The following UPF1 variants were observed in gnomAD, a reference collection of about 807,000 sequenced individuals.
UPF1 encodes UPF1 RNA helicase and ATPase.
Under a neutral mutation model 129.2 loss-of-function variants are expected in UPF1, and 9 were observed. The ratio of observed to expected loss-of-function variants is 0.07; its 90% CI spans 0.04 to 0.12. UPF1 has a LOEUF of 0.12. Among genes scored for constraint, UPF1 ranks in the 10% least tolerant of loss-of-function variants. The pLI, the probability that UPF1 is intolerant of heterozygous loss-of-function variation, is 1.00. For missense variants in UPF1, 788 were observed against 1,525.3 expected (o/e 0.52, Z 8.05); for synonymous variants, 649 against 644.9 (o/e 1.01, Z -0.10).
rs141316223 is a variant in UPF1 at position 18,846,090 on chromosome 19, C to T, written c.342C>T (p.Tyr114=). Reference sequence around the variant, plus strand: ...AGGAAGATGAAGAAGACACCTATTACACGAAGGACCTCCCCATACACGCCT... The same window carrying T: ...AGGAAGATGAAGAAGACACCTATTATACGAAGGACCTCCCCATACACGCCT... The part of the protein sequence containing the change: ...NFEEDEEDTY[Y]TKDLPIHACS... Residue 114 remains tyrosine (Y), a synonymous_variant, in exon 2 of 24, where the codon TAC becomes TAT. Transcript: ENST00000262803. 2.7e-4 allele frequency: 428 copies of T among 1,614,136 alleles called. 2 individuals are homozygous for T. The African/African-American group carries it at 4.9e-3, about 18-fold the overall frequency.
In UPF1 at chr19:18,846,013, G is replaced by A; in HGVS notation, c.265G>A (p.Val89Met). The A allele has an allele frequency of 1.2e-6, 2 of 1,614,178 alleles. No homozygotes were observed. Among genetic ancestry groups the A allele is most frequent in the African/African-American group, 1.3e-5 (1 of 75,054 alleles). Residue 89 changes from valine to methionine, a missense_variant, in exon 2 of 24, where the codon GTG (valine) becomes ATG (methionine). This residue lies in a region of UPF1 where 112 missense variants were observed against 128.2 expected (regional missense o/e 0.87). Transcript: ENST00000262803. Reference protein sequence around the residue: ...GPEGILQNGAVDDSVAKTSQL... With the variant: ...GPEGILQNGAMDDSVAKTSQL... The stretch of plus-strand genomic sequence containing the variant: ...CGAAGGCATCCTGCAGAACGGGGCT[G>A]TGGACGACAGTGTAGCCAAGACCAG...
chr19:18,857,433 G>T lies in UPF1; in HGVS notation c.2082G>T (p.Arg694=). Residue 694 remains arginine (R), a synonymous_variant, in exon 15 of 24, where the codon CGG becomes CGT. Transcript: ENST00000262803. ...AGCGCCTGGTGGTGCTGGGCATCCG[G>T]CCCATCCGCCTGCAGGTCCAGTACC... is the stretch of plus-strand genomic sequence containing the variant. ...LFERLVVLGI[R]PIRLQVQYRM... The T allele has an allele frequency of 1.2e-6, 2 of 1,613,610 alleles. No individual in the cohort carries two copies. The highest frequency in any genetic ancestry group is 1.7e-6 in the Non-Finnish European group (2 of 1,179,998).
intron 23 of UPF1, among the ~76,000 whole-genome samples, 152 bp downstream of exon 23, chr19:18,866,318 T>G (rs1302621887): frequency 6.6e-6 from 1 of 152,204 alleles, no homozygotes; most frequent in African/African-American, 2.4e-5. Flanking sequence ...CAGCTTGGCC[T>G]GTGCCCTTCA....
chr19:18,862,288 C>A, intron 18 of UPF1, 136 bp downstream of exon 18: 1 of 1,356,180 alleles, frequency 7.4e-7, no homozygotes, highest in Non-Finnish European at 9.9e-7. Context: ...CGATGTCTCA[C>A]TGGAGAGATC....
chr19:18,848,872 C>T (rs1385451998), intron 3 of UPF1: 1 of 152,184 alleles, frequency 6.6e-6, no homozygotes, highest in Non-Finnish European at 1.5e-5. Flanking sequence ...CATTTAGTTC[C>T]TCTTGTTCAG....
rs73526918 is a variant in UPF1 at position 18,861,870 on chromosome 19, G to A, written c.2458-140G>A. The A allele has an allele frequency of 3.2e-3, 3,515 of 1,113,378 alleles. 83 individuals carry two copies. The African/African-American group carries it at 0.049, about 16-fold the overall frequency. 69.0% of individuals were successfully genotyped at this position (1,113,378 alleles called of 1,614,324 possible). ...ACGAAATGGCAGCAGAGCCAGGACA[G>A]CCCCTAGGTGCGGTGAGCAGGCGCC... On this transcript the variant is annotated intron_variant, in intron 17 of 23. Transcript: ENST00000262803.
At chr19:18,839,622 C>T (rs987228915) in intron 1 of UPF1, among the ~76,000 whole-genome samples, 3 of 152,186 alleles carry the variant, frequency 2.0e-5, no homozygotes, top group African/African-American at 4.8e-5. Flanking sequence ...AGCCCTGGCC[C>T]CATGCTCCCC....
At chr19:18,852,355 C>T (rs879047257) in intron 6 of UPF1, 59 bp downstream of exon 6, 3 of 1,587,106 alleles carry the variant, frequency 1.9e-6, no homozygotes, top group South Asian at 2.3e-5. Flanking sequence ...GCTCTCTCCT[C>T]AGGCTTCCAG....
At position 18,853,821 on chromosome 19, in the gene UPF1, G is replaced by A. The variant is rs1342716390; in HGVS notation, c.1156+471G>A. Among the ~76,000 whole-genome samples the A allele has an allele frequency of 6.6e-6, 1 of 152,326 alleles. No homozygotes were observed. The highest frequency in any genetic ancestry group is 2.1e-4 in the South Asian group (1 of 4,828). On this transcript the variant is annotated intron_variant, in intron 8 of 23. Coordinates refer to ENST00000262803, the MANE Select transcript of UPF1 (RefSeq NM_002911.4). The surrounding 1 kb of genome is among the most constrained non-coding windows in gnomAD (Gnocchi z 4.4). ...GACCTCATGGTGATGCAGCCTGCCG[G>A]CCAGAGTGGGGCAGCTGTAAGGCAC...
Position 18,863,584 on chromosome 19 carries a change from C to T in UPF1, c.2747C>T (p.Pro916Leu). The change falls in exon 19 of 24, where the codon CCA (proline) becomes CTA (leucine). Residue 916 changes from proline to leucine, a missense_variant. By Grantham distance (98) the Pro-to-Leu change is moderately conservative (BLOSUM62 -3). This residue lies in a region of UPF1 where 218 missense variants were observed against 318.1 expected (regional missense o/e 0.69). Transcript: ENST00000262803. ...LRESLMQFSK[P>L]RKLVNTINPG... ...GAGAGCCTCATGCAGTTCAGCAAGC[C>T]ACGGAAGCTGGTCAACACTATCAAC... is the stretch of plus-strand genomic sequence containing the variant. The T allele has an allele frequency of 6.2e-7, 1 of 1,613,654 alleles. No homozygotes were observed. The highest frequency in any genetic ancestry group is 1.3e-5 in the African/African-American group (1 of 75,022).
chr19:18,846,313 C>T (rs553746077), intron 2 of UPF1, among the ~76,000 whole-genome samples, 194 bp downstream of exon 2: 2 of 152,170 alleles, frequency 1.3e-5, no homozygotes, highest in Non-Finnish European at 2.9e-5. Flanking sequence ...GAGGTGGGCT[C>T]AGCAACCTCC....
At chr19:18,840,373 A>G (rs1164429208) in intron 1 of UPF1, among the ~76,000 whole-genome samples, 1 of 152,112 alleles carries the variant, frequency 6.6e-6, no homozygotes, top group African/African-American at 2.4e-5. Context: ...CAGGGTCCAT[A>G]ATTCCCCAGG....
intron 11 of UPF1, 58 bp downstream of exon 11, chr19:18,855,300 G>A: frequency 6.4e-7 from 1 of 1,569,340 alleles, no homozygotes; most frequent in Admixed American, 1.7e-5. Flanking sequence ...GTGGCCAGAT[G>A]GAAGGCCTGG....
intron 8 of UPF1, 71 bp from the exon 9 acceptor site, chr19:18,854,530 C>T (rs1029373587): frequency 8.4e-5 from 102 of 1,211,598 alleles, no homozygotes; most frequent in East Asian, 2.1e-4. Context: ...GTTTAAAGAG[C>T]GTGTACCAAG....
chr19:18,834,867 T>A (rs886864627), intron 1 of UPF1, among the ~76,000 whole-genome samples: 2 of 152,208 alleles, frequency 1.3e-5, no homozygotes, highest in Admixed American at 6.5e-5. Context: ...TCTGCTTTTT[T>A]AATTTTTATT....
intron 17 of UPF1, 56 bp from the exon 18 acceptor site, chr19:18,861,953 TG>T: frequency 6.3e-7 from 1 of 1,598,000 alleles, no homozygotes; most frequent in Non-Finnish European, 8.5e-7. Flanking sequence ...TCCTGCATTT[TG>T]GGGGGACTGG....
intron 1 of UPF1, 85 bp from the exon 2 acceptor site, chr19:18,845,895 C>T: frequency 2.0e-6 from 3 of 1,522,514 alleles, no homozygotes; most frequent in Non-Finnish European, 2.6e-6. Context: ...GCCAGGGTGT[C>T]ACACCAGAGT....
rs1307525868 is a variant in UPF1, at chr19:18,865,104, G to A, written c.2858-185G>A. Among the ~76,000 whole-genome samples, 1 of 152,242 alleles carries A rather than the reference G, an allele frequency of 6.6e-6. No individual in the cohort carries two copies. Among genetic ancestry groups the A allele is most frequent in the Non-Finnish European group, 1.5e-5 (1 of 68,046 alleles). ...CAGACTCTCCTCGGGGAAGGTGCCT[G>A]CCCAAGCACCCAGCCCCAGGCAGGC... On this transcript the variant is annotated intron_variant, in intron 20 of 23. Transcript: ENST00000262803. This position sits in a 1 kb window ranked among gnomAD's most constrained non-coding sequence, Gnocchi z 6.1.
intron 1 of UPF1, among the ~76,000 whole-genome samples, chr19:18,839,055 C>A (rs910193737): frequency 2.6e-5 from 4 of 152,278 alleles, no homozygotes; most frequent in African/African-American, 9.6e-5. Context: ...CCACATTTCT[C>A]TCATTGCTTG....
Sources: gnomAD v4.1 joint callset for allele counts (sites outside exome capture counted in the v4.1 genomes callset) on GRCh38, gnomAD v4.1.1 for gene constraint, gnomAD v4.1.1 regional missense constraint, Gnocchi (gnomAD v3.1) non-coding constraint, MANE v1.5 for transcripts, NCBI Gene and HGNC (gene_info 2026-07-23, HGNC 2026-07-21) for gene names.